CDH13: variants seen among roughly 807,000 people sequenced by gnomAD.
CDH13 encodes the protein cadherin-13.
In CDH13, 24 loss-of-function variants were observed where a neutral mutation model predicts 63.8. The observed-to-expected ratio is 0.38, with a 90% CI of 0.27 to 0.53. The LOEUF is 0.53. Among genes scored for constraint, CDH13 ranks in the 20% least tolerant of loss-of-function variants. The probability of loss-of-function intolerance (pLI) is 0.85; values close to 1 mark genes in which losing one functional copy is unlikely to be tolerated. For missense variants in CDH13, 1,049 were observed against 903.1 expected (o/e 1.16, Z -2.07); for synonymous variants, 503 against 355.3 (o/e 1.42, Z -4.67).
chr16:82,847,470 C>G (rs954652129), intron 1 of CDH13, among the ~76,000 whole-genome samples: 1 of 152,182 alleles, frequency 6.6e-6, no homozygotes, highest in Non-Finnish European at 1.5e-5. Context: ...CTGAGTTCAT[C>G]TCATAACATA....
At chr16:83,067,576 G>A (rs1326593107) in intron 3 of CDH13, among the ~76,000 whole-genome samples, 2 of 152,134 alleles carry the variant, frequency 1.3e-5, no homozygotes, top group African/African-American at 2.4e-5. Flanking sequence ...ACAAACTAAG[G>A]TTCATGATCG....
At chr16:83,647,705 C>A (rs764925042) in intron 8 of CDH13, among the ~76,000 whole-genome samples, 1 of 152,146 alleles carries the variant, frequency 6.6e-6, no homozygotes, top group Non-Finnish European at 1.5e-5. Context: ...AATGGCCCAT[C>A]TTTTTATCCT....
chr16:83,261,536 C>T (rs1334871218), intron 5 of CDH13, among the ~76,000 whole-genome samples: 1 of 152,048 alleles, frequency 6.6e-6, no homozygotes, highest in Non-Finnish European at 1.5e-5. Context: ...CTATTAGTAT[C>T]TATTTCTCAT....
At chr16:83,726,724 G>A (rs1166722860) in intron 10 of CDH13, among the ~76,000 whole-genome samples, 3 of 152,142 alleles carry the variant, frequency 2.0e-5, no homozygotes, top group East Asian at 3.9e-4. Context: ...TGTAGTCCCA[G>A]CTACTCGCGA....
intron 4 of CDH13, among the ~76,000 whole-genome samples, chr16:83,134,865 C>T (rs751151264): frequency 2.0e-4 from 31 of 152,192 alleles, no homozygotes; most frequent in Non-Finnish European, 4.4e-4. Context: ...CTACATCCCG[C>T]AAATAAAGGC....
intron 3 of CDH13, among the ~76,000 whole-genome samples, chr16:83,095,434 T>A (rs945558319): frequency 3.3e-5 from 5 of 152,250 alleles, no homozygotes; most frequent in Non-Finnish European, 7.3e-5. Context: ...AGTGATAAAG[T>A]ACTTCTCCCA....
intron 1 of CDH13, among the ~76,000 whole-genome samples, chr16:82,682,229 G>A (rs1371511797): frequency 6.6e-6 from 1 of 152,202 alleles, no homozygotes; most frequent in Non-Finnish European, 1.5e-5. Flanking sequence ...ATCCCCTAGG[G>A]AAAGTGCTAA....
chr16:82,790,728 A>G (rs1023710791), intron 1 of CDH13, among the ~76,000 whole-genome samples: 1 of 152,204 alleles, frequency 6.6e-6, no homozygotes, highest in African/African-American at 2.4e-5. Flanking sequence ...GAAGGCAGCC[A>G]TGATTGTTTA....
chr16:83,204,110 C>T (rs1252687331), intron 4 of CDH13, among the ~76,000 whole-genome samples: 2 of 152,222 alleles, frequency 1.3e-5, no homozygotes, highest in African/African-American at 4.8e-5. Flanking sequence ...ATGGCCATGT[C>T]ACACGGAGTT....
At chr16:83,582,819 G>C (rs879124111) in intron 7 of CDH13, among the ~76,000 whole-genome samples, 15 of 152,202 alleles carry the variant, frequency 9.9e-5, no homozygotes, top group African/African-American at 3.6e-4. Flanking sequence ...GATCAACCGT[G>C]TTGGCCCAGT....
intron 5 of CDH13, among the ~76,000 whole-genome samples, chr16:83,324,729 G>T (rs533484296): frequency 1.1e-4 from 17 of 152,244 alleles, no homozygotes; most frequent in Admixed American, 3.3e-4. Context: ...TTGTGTGTGG[G>T]GACACATGTT....
intron 2 of CDH13, among the ~76,000 whole-genome samples, chr16:82,870,436 A>G (rs188386055): frequency 1.3e-5 from 2 of 152,242 alleles, no homozygotes; most frequent in African/African-American, 2.4e-5. Flanking sequence ...AAATAGAACT[A>G]CTATATGGCC....
intron 2 of CDH13, among the ~76,000 whole-genome samples, chr16:82,898,931 A>G (rs1309064339): frequency 2.6e-5 from 4 of 152,250 alleles, no homozygotes; most frequent in Non-Finnish European, 5.9e-5. Flanking sequence ...GTATGTAGAT[A>G]TGGGCTTCCC....
At chr16:83,476,275 C>G (rs1286133820) in intron 6 of CDH13, among the ~76,000 whole-genome samples, 3 of 152,166 alleles carry the variant, frequency 2.0e-5, no homozygotes, top group Non-Finnish European at 4.4e-5. Flanking sequence ...CCAGTTGTAA[C>G]AACCAAAAGT....
chr16:83,761,742 T>TAAC (rs1913986547), intron 11 of CDH13, among the ~76,000 whole-genome samples: 1 of 152,244 alleles, frequency 6.6e-6, no homozygotes, highest in African/African-American at 2.4e-5. Flanking sequence ...AGCTTTAGGC[T>TAAC]AACTTGATTT....
At chr16:83,720,516 G>C (rs910489026) in intron 10 of CDH13, among the ~76,000 whole-genome samples, 1 of 152,110 alleles carries the variant, frequency 6.6e-6, no homozygotes, top group Non-Finnish European at 1.5e-5. Context: ...GCTGAGGCAG[G>C]AAGATTCCTT....
At chr16:82,635,154 G>T (rs1908499529) in intron 1 of CDH13, among the ~76,000 whole-genome samples, 1 of 152,220 alleles carries the variant, frequency 6.6e-6, no homozygotes, top group African/African-American at 2.4e-5. Context: ...CCACATTGTG[G>T]CTTGATTTGT....
At chr16:83,250,307 A>G (rs748655470) in intron 5 of CDH13, among the ~76,000 whole-genome samples, 1 of 152,140 alleles carries the variant, frequency 6.6e-6, no homozygotes, top group Non-Finnish European at 1.5e-5. Flanking sequence ...AGAACACCTG[A>G]TTTATGCCAG....
chr16:83,563,521 C>G (rs541637182), intron 7 of CDH13, among the ~76,000 whole-genome samples: 6 of 152,330 alleles, frequency 3.9e-5, no homozygotes, highest in South Asian at 2.1e-4. Flanking sequence ...ATTGGTTAAT[C>G]TGAAGTCTTT....
Sources: allele counts gnomAD v4.1 joint callset (sites outside exome capture counted in the v4.1 genomes callset), GRCh38; gene constraint gnomAD v4.1.1; transcripts MANE v1.5; gene names NCBI Gene and HGNC (gene_info 2026-07-23, HGNC 2026-07-21).